The following ACSBG1 variants were observed in gnomAD, a reference collection of about 807,000 sequenced individuals.
ACSBG1 encodes the protein acyl-CoA synthetase bubblegum family member 1, also known as long-chain-fatty-acid--CoA ligase ACSBG1.
In ACSBG1, 39 loss-of-function variants were observed where a neutral mutation model predicts 80.2. The observed-to-expected ratio is 0.49, with a 90% CI of 0.38 to 0.64. The LOEUF (loss-of-function observed/expected upper bound fraction) is 0.64, where lower values mean the gene tolerates loss of function less well. Ranked by LOEUF, ACSBG1 falls within the 30% of genes least tolerant of loss-of-function variation. The pLI is 0.00. For synonymous variants in ACSBG1, 392 were observed against 379.5 expected (o/e 1.03, Z -0.38); for missense variants, 828 against 966.4 (o/e 0.86, Z 1.90).
chr15:78,228,632 C>T (rs2075422934), intron 1 of ACSBG1, among the ~76,000 whole-genome samples: 1 of 152,188 alleles, frequency 6.6e-6, no homozygotes, highest in Admixed American at 6.5e-5. Context: ...AAGTCTAGGA[C>T]CAGGGTTGGT....
chr15:78,179,835 A>T, intron 9 of ACSBG1, 55 bp from the exon 10 acceptor site: 1 of 1,302,050 alleles, frequency 7.7e-7, no homozygotes, highest in Non-Finnish European at 1.1e-6. Flanking sequence ...ACACACACAC[A>T]CACACACATA....
chr15:78,194,758 A>G, intron 2 of ACSBG1, 32 bp from the exon 3 acceptor site: 3 of 1,600,482 alleles, frequency 1.9e-6, no homozygotes, highest in Non-Finnish European at 2.6e-6. Context: ...AGCTTGGATC[A>G]TGCCAGCCTG....
chr15:78,202,546 C>G (rs28641714), intron 2 of ACSBG1, among the ~76,000 whole-genome samples: 2 of 152,094 alleles, frequency 1.3e-5, no homozygotes, highest in Non-Finnish European at 2.9e-5. Context: ...TTCTTCCCTG[C>G]CTTTCCTCAC....
intron 1 of ACSBG1, among the ~76,000 whole-genome samples, chr15:78,211,495 G>T (rs760486635): frequency 6.6e-6 from 1 of 152,256 alleles, no homozygotes; most frequent in Non-Finnish European, 1.5e-5. Flanking sequence ...CGTCTTTGAG[G>T]ACGAGAACAA....
chr15:78,214,311 C>T (rs1331527961), intron 1 of ACSBG1, among the ~76,000 whole-genome samples: 1 of 152,204 alleles, frequency 6.6e-6, no homozygotes, highest in Admixed American at 6.5e-5. Context: ...CACACTCCCT[C>T]ATCTTTAATT....
At chr15:78,188,362 G>T (rs985723191) in intron 5 of ACSBG1, among the ~76,000 whole-genome samples, 8 of 151,708 alleles carry the variant, frequency 5.3e-5, no homozygotes, top group Non-Finnish European at 1.0e-4. Flanking sequence ...AGCCTGCATC[G>T]CCAAGTCAAT....
rs1428893151 is a variant in ACSBG1 at position 78,169,590 on chromosome 15, A to C, written c.*1854T>G. 6.6e-6 allele frequency: 1 copy of C among 152,260 alleles called. No individual in the cohort carries two copies. Among genetic ancestry groups the C allele is most frequent in the Non-Finnish European group, 1.5e-5 (1 of 68,050 alleles). The allele number at this position is 152,260 out of a possible 1,614,324, so 9.4% of individuals were successfully genotyped here. A position where few individuals can be genotyped will look rare whatever the true frequency, so the allele number is the denominator to read the frequency against. On this transcript the variant is annotated 3_prime_UTR_variant, in exon 14 of 14. Transcript: ENST00000258873. Reference sequence around the variant, plus strand: ...TACAGAAATTACTGAGTGTGAATAAAAACTTCAGATCCAAGAAATATATAA... The same window carrying C: ...TACAGAAATTACTGAGTGTGAATAACAACTTCAGATCCAAGAAATATATAA...
intron 1 of ACSBG1, among the ~76,000 whole-genome samples, chr15:78,219,270 T>C (rs538199033): frequency 6.6e-6 from 1 of 152,232 alleles, no homozygotes; most frequent in Non-Finnish European, 1.5e-5. Flanking sequence ...TTATTGTGCA[T>C]GGTGGTGCAC....
At position 78,169,637 on chromosome 15, in the gene ACSBG1, A is replaced by G. The variant is rs1365947038; in HGVS notation, c.*1807T>C. On this transcript the variant is annotated 3_prime_UTR_variant, in exon 14 of 14. Transcript: ENST00000258873. ...ATAATGAGAGATATAATTTTTGTTA[A>G]TAAGACAAAGGTAATATATTGGATA... is the stretch of plus-strand genomic sequence containing the variant. 9 of 152,252 alleles carry G rather than the reference A, an allele frequency of 5.9e-5. No individual in the cohort carries two copies. The highest frequency in any genetic ancestry group is 1.3e-4 in the Non-Finnish European group (9 of 68,038). 9.4% of individuals were successfully genotyped at this position (152,252 alleles called of 1,614,324 possible). A position where few individuals can be genotyped will look rare whatever the true frequency, so the allele number is the denominator to read the frequency against.
At chr15:78,194,082 C>G (rs1456590864) in intron 3 of ACSBG1, 62 bp from the exon 4 acceptor site, 2 of 1,524,206 alleles carry the variant, frequency 1.3e-6, no homozygotes, top group Non-Finnish European at 1.8e-6. Context: ...TCATGCCCCT[C>G]TCAGAGCCCC....
intron 8 of ACSBG1, 139 bp from the exon 9 acceptor site, chr15:78,181,075 A>G (rs1595882176): frequency 1.0e-6 from 1 of 974,004 alleles, no homozygotes; most frequent in East Asian, 2.7e-5. Flanking sequence ...AGGGTGGCAC[A>G]TACTGTTTCC....
intron 5 of ACSBG1, among the ~76,000 whole-genome samples, chr15:78,191,887 A>T (rs1595887919): frequency 6.6e-6 from 1 of 152,278 alleles, no homozygotes; most frequent in East Asian, 1.9e-4. Context: ...CCCCCTCCAC[A>T]ACCCGCCGCA....
intron 2 of ACSBG1, 96 bp from the exon 3 acceptor site, chr15:78,194,822 GC>G: frequency 7.7e-7 from 1 of 1,292,798 alleles, no homozygotes; most frequent in Non-Finnish European, 1.1e-6. Flanking sequence ...TGCTGACAAT[GC>G]CTTGGGTCCT....
chr15:78,181,067 G>GT (rs36115516), intron 8 of ACSBG1, 131 bp from the exon 9 acceptor site: 509,245 of 1,056,272 alleles, frequency 0.48, 128,052 homozygotes, highest in African/African-American at 0.67. Flanking sequence ...TGCACGCAAG[G>GT]GTGGCACATA....
At chr15:78,199,016 C>G (rs1176024034) in intron 2 of ACSBG1, among the ~76,000 whole-genome samples, 1 of 152,176 alleles carries the variant, frequency 6.6e-6, no homozygotes, top group Non-Finnish European at 1.5e-5. Flanking sequence ...CTCTCATTTT[C>G]CTTTAGACAC....
intron 2 of ACSBG1, among the ~76,000 whole-genome samples, chr15:78,200,779 C>G (rs2075160054): frequency 6.6e-6 from 1 of 152,200 alleles, no homozygotes; most frequent in Non-Finnish European, 1.5e-5. Flanking sequence ...CGGCCTTTTC[C>G]CACACTCCTG....
Position 78,177,229 on chromosome 15 carries a change from A to C in ACSBG1, c.1702+1385T>G, listed in dbSNP as rs1322714221. The stretch of plus-strand genomic sequence containing the variant: ...CCAAGGCTGTAGGACTTAGCCGGAT[A>C]TCTATCCCTGTCATAAAGCTATAGA... On this transcript the variant is annotated intron_variant, in intron 11 of 13. Transcript: ENST00000258873. The surrounding 1 kb of genome is among the most constrained non-coding windows in gnomAD (Gnocchi z 4.1). 1.3e-5 allele frequency among the ~76,000 whole-genome samples: 2 copies of C among 152,200 alleles called. No homozygotes were observed. The highest frequency in any genetic ancestry group is 4.1e-4 in the South Asian group (2 of 4,830).
chr15:78,173,881 CAAGACGT>C (rs769972945), intron 12 of ACSBG1, 42 bp from the exon 13 acceptor site: 4 of 1,595,950 alleles, frequency 2.5e-6, no homozygotes, highest in Non-Finnish European at 3.4e-6. Context: ...CCTTACCCAA[CAAGACGT>C]AAGCCCTGGT....
At chr15:78,204,041 G>A (rs1208939961) in intron 2 of ACSBG1, among the ~76,000 whole-genome samples, 1 of 152,186 alleles carries the variant, frequency 6.6e-6, no homozygotes, top group African/African-American at 2.4e-5. Flanking sequence ...ACCTAGCACA[G>A]AAGGGTCTGT....
Sources: gnomAD v4.1 joint callset for allele counts (sites outside exome capture counted in the v4.1 genomes callset) on GRCh38, gnomAD v4.1.1 for gene constraint, Gnocchi (gnomAD v3.1) non-coding constraint, MANE v1.5 for transcripts, NCBI Gene and HGNC (gene_info 2026-07-23, HGNC 2026-07-21) for gene names.